Variants in RARB observed in about 807,000 individuals in gnomAD.
The protein encoded by RARB is HBV-activated protein.
A neutral mutation model predicts 51.9 loss-of-function variants in RARB; 17 were observed. That is an observed-to-expected ratio of 0.33 (90% CI 0.22 to 0.49). The LOEUF is 0.49. Among genes scored for constraint, RARB ranks in the 20% least tolerant of loss-of-function variants. RARB has a pLI of 0.99. For synonymous variants in RARB, 215 were observed against 195.4 expected, an observed-to-expected ratio of 1.10 and a Z score of -0.84; for missense variants, 369 against 550.8, an observed-to-expected ratio of 0.67 and a Z score of 3.30.
chr3:25,055,480 C>A (rs981516443), intron 2 of RARB, among the ~76,000 whole-genome samples: 4 of 152,082 alleles, frequency 2.6e-5, no homozygotes, highest in Non-Finnish European at 4.4e-5. Flanking sequence ...TGCACAAGTT[C>A]CAGCTTGAGT....
intron 5 of RARB, among the ~76,000 whole-genome samples, chr3:25,282,869 T>C (rs543925112): frequency 4.4e-4 from 67 of 152,300 alleles, no homozygotes; most frequent in Admixed American, 2.6e-3. Context: ...CACTTCCACC[T>C]TCCAAATCTC....
chr3:25,576,272 C>T (rs552710843), intron 4 of RARB, among the ~76,000 whole-genome samples: 34 of 152,208 alleles, frequency 2.2e-4, no homozygotes, highest in East Asian at 1.2e-3. Flanking sequence ...AAAAGCAGTT[C>T]GAAGAAGGTG....
chr3:25,243,303 T>G (rs1346975358), intron 5 of RARB, among the ~76,000 whole-genome samples: 1 of 152,160 alleles, frequency 6.6e-6, no homozygotes, highest in African/African-American at 2.4e-5. Flanking sequence ...CCTTTATTTC[T>G]TCCTCTTGCC....
chr3:25,075,834 T>C (rs1698860407), intron 3 of RARB, among the ~76,000 whole-genome samples: 1 of 152,206 alleles, frequency 6.6e-6, no homozygotes, highest in African/African-American at 2.4e-5. Context: ...AAAAGTATAA[T>C]GATTTTAGGC....
At chr3:25,463,656 C>T (rs934121649) in intron 2 of RARB, among the ~76,000 whole-genome samples, 3 of 147,816 alleles carry the variant, frequency 2.0e-5, no homozygotes, top group African/African-American at 7.5e-5. Context: ...AGTGAGACTC[C>T]ATCTCAAAAA....
intron 5 of RARB, among the ~76,000 whole-genome samples, chr3:25,391,798 T>C (rs907647248): frequency 2.0e-5 from 3 of 152,188 alleles, no homozygotes; most frequent in African/African-American, 7.2e-5. Context: ...TAGTCCTTTG[T>C]TGGATGGATA....
chr3:25,511,206 C>T (rs373328058), intron 3 of RARB, among the ~76,000 whole-genome samples: 16 of 152,164 alleles, frequency 1.1e-4, no homozygotes, highest in African/African-American at 3.9e-4. Context: ...GATCTCGGCT[C>T]ACTGCAAGCT....
chr3:25,557,077 TTAGAG>T (rs1476035177), intron 3 of RARB, among the ~76,000 whole-genome samples: 1 of 151,760 alleles, frequency 6.6e-6, no homozygotes, highest in African/African-American at 2.4e-5. Flanking sequence ...TTGGGTGTCT[TTAGAG>T]TAAACTTGAA....
intron 5 of RARB, among the ~76,000 whole-genome samples, chr3:25,213,327 T>C (rs186474042): frequency 1.3e-5 from 2 of 152,258 alleles, no homozygotes; most frequent in African/African-American, 4.8e-5. Context: ...TTTGAGTCCT[T>C]TTGTGTCTGA....
chr3:25,426,012 G>A (rs1707977577), upstream of RARB, among the ~76,000 whole-genome samples: 1 of 152,032 alleles, frequency 6.6e-6, no homozygotes, highest in African/African-American at 2.4e-5. Flanking sequence ...CTCTTCTCTT[G>A]TCTAACAACT....
rs948868572 is a variant in RARB, at chr3:24,887,269, A to T, written c.-380+28517A>T. On this transcript the variant is annotated intron_variant, in intron 2 of 11. Coordinates refer to the RARB transcript ENST00000383772. ...GAGACAAAAGGATACTTTGATTACA[A>T]TAGAAAATAATTTTCTATAAGCTAT... Among the ~76,000 whole-genome samples the T allele has an allele frequency of 2.0e-5, 3 of 152,250 alleles. No homozygotes were observed. The East Asian group carries it at 5.8e-4, about 29-fold the overall frequency.
intron 1 of RARB, among the ~76,000 whole-genome samples, chr3:25,435,320 T>G (rs1341479966): frequency 6.6e-6 from 1 of 152,218 alleles, no homozygotes; most frequent in African/African-American, 2.4e-5. Context: ...ATCGGTTAAC[T>G]AGGGAGAGAA....
chr3:25,414,770 G>A (rs1306944227), intron 5 of RARB, among the ~76,000 whole-genome samples: 2 of 152,212 alleles, frequency 1.3e-5, no homozygotes, highest in Non-Finnish European at 2.9e-5. Context: ...GTTGGAAGAA[G>A]GGTGCTTGCT....
At chr3:24,941,928 C>A (rs1695676676) in intron 2 of RARB, among the ~76,000 whole-genome samples, 1 of 152,176 alleles carries the variant, frequency 6.6e-6, no homozygotes, top group Non-Finnish European at 1.5e-5. Flanking sequence ...CATCAGATTT[C>A]CTCATGAGAA....
chr3:25,348,471 C>T lies in RARB; in HGVS notation c.179-112722C>T, dbSNP rs115391447. 1.8e-3 allele frequency among the ~76,000 whole-genome samples: 270 copies of T among 151,960 alleles called. 1 individual carries two copies. The highest frequency in any genetic ancestry group is 5.8e-3 in the African/African-American group (242 of 41,422). On this transcript the variant is annotated intron_variant, in intron 5 of 11. Coordinates refer to the RARB transcript ENST00000383772. ...GTTGGCTTCTTTGCAGGAATCAAGCCGCTTGGCCATTTGAGACAGGTTAGT... is the reference window on the plus strand; with the variant it reads ...GTTGGCTTCTTTGCAGGAATCAAGCTGCTTGGCCATTTGAGACAGGTTAGT...
intron 5 of RARB, among the ~76,000 whole-genome samples, chr3:25,310,574 A>G (rs1704264400): frequency 6.6e-6 from 1 of 152,184 alleles, no homozygotes; most frequent in Non-Finnish European, 1.5e-5. Flanking sequence ...GATTCTTCAG[A>G]TGTGATTGTC....
intron 2 of RARB, among the ~76,000 whole-genome samples, chr3:24,876,500 TG>T (rs1249717454): frequency 2.0e-5 from 3 of 152,190 alleles, no homozygotes; most frequent in Non-Finnish European, 2.9e-5. Context: ...CTCAGTCCTA[TG>T]AAGCATAAAC....
intron 4 of RARB, among the ~76,000 whole-genome samples, chr3:25,169,378 A>G (rs1386882878): frequency 6.6e-6 from 1 of 152,250 alleles, no homozygotes; most frequent in Non-Finnish European, 1.5e-5. Flanking sequence ...GAATTCATTT[A>G]TCACATGACA....
At chr3:25,437,878 G>T (rs570029289) in intron 1 of RARB, among the ~76,000 whole-genome samples, 1 of 152,246 alleles carries the variant, frequency 6.6e-6, no homozygotes, top group East Asian at 1.9e-4. Flanking sequence ...CTTGGGGATG[G>T]GTTTGATTCT....
Sources: gnomAD v4.1 joint callset for allele counts (sites outside exome capture counted in the v4.1 genomes callset) on GRCh38, gnomAD v4.1.1 for gene constraint, MANE v1.5 for transcripts, NCBI Gene and HGNC (gene_info 2026-07-23, HGNC 2026-07-21) for gene names.